Variants in KCNMA1 observed in about 807,000 individuals in gnomAD.
KCNMA1 encodes potassium calcium-activated channel subfamily M alpha 1.
KCNMA1 carries 29 observed loss-of-function variants against 140.0 expected under a neutral mutation model. The ratio of observed to expected loss-of-function variants is 0.21; its 90% CI spans 0.15 to 0.28. KCNMA1 has a LOEUF of 0.28. Among genes scored for constraint, KCNMA1 ranks in the 10% least tolerant of loss-of-function variants. The probability of loss-of-function intolerance (pLI) is 1.00; values close to 1 mark genes in which losing one functional copy is unlikely to be tolerated. For missense variants in KCNMA1, 880 were observed against 1,602.2 expected, an observed-to-expected ratio of 0.55 and a Z score of 7.70; for synonymous variants, 612 against 611.9, an observed-to-expected ratio of 1.00 and a Z score of 0.00.
intron 18 of KCNMA1, chr10:77,008,061 C>G (rs1054456523): frequency 5.2e-6 from 5 of 960,832 alleles, no homozygotes; most frequent in Non-Finnish European, 6.3e-6. Flanking sequence ...GTCACTGCTA[C>G]ATGCAACATA....
intron 1 of KCNMA1, among the ~76,000 whole-genome samples, chr10:77,479,620 T>A (rs986464371): frequency 2.6e-5 from 4 of 152,148 alleles, no homozygotes; most frequent in African/African-American, 9.7e-5. Flanking sequence ...GGTCTTACTG[T>A]GCCCATCTGA....
At chr10:77,314,447 C>G (rs1198775637) in intron 2 of KCNMA1, among the ~76,000 whole-genome samples, 3 of 152,144 alleles carry the variant, frequency 2.0e-5, no homozygotes, top group East Asian at 1.9e-4. Context: ...GAGATGAGAT[C>G]GATTCCATTT....
intron 3 of KCNMA1, 38 bp from the exon 4 acceptor site, chr10:77,184,954 A>G: frequency 8.3e-7 from 1 of 1,209,730 alleles, no homozygotes; most frequent in Non-Finnish European, 1.2e-6. Flanking sequence ...GAGGTAAATG[A>G]CAGGTAGTAT....
chr10:76,879,630 C>T (rs2033771162), intron 29 of KCNMA1, among the ~76,000 whole-genome samples: 1 of 151,258 alleles, frequency 6.6e-6, no homozygotes, highest in South Asian at 2.1e-4. Flanking sequence ...GTCATCAGCA[C>T]ATCTGAATTA....
At chr10:77,518,646 C>T (rs1342871290) in intron 1 of KCNMA1, among the ~76,000 whole-genome samples, 2 of 152,218 alleles carry the variant, frequency 1.3e-5, no homozygotes, top group Non-Finnish European at 2.9e-5. Flanking sequence ...GGTGCCAGCT[C>T]TGTCCCCAGC....
chr10:77,273,138 A>C lies in KCNMA1; in HGVS notation c.541-21882T>G, dbSNP rs1212159908. ...ATCTTCTATAAGGTAGCTGTAAATA[A>C]GTCCTCAAAACCTATTGTGAAGTAA... On this transcript the variant is annotated intron_variant, in intron 2 of 27. Transcript: ENST00000286628. Among the ~76,000 whole-genome samples, 3 of 152,236 alleles carry C rather than the reference A, an allele frequency of 2.0e-5. No individual in the cohort carries two copies. In the East Asian group the frequency reaches 5.8e-4, roughly 29 times the overall value.
At chr10:76,934,247 C>T (rs901597739) in intron 23 of KCNMA1, among the ~76,000 whole-genome samples, 7 of 152,214 alleles carry the variant, frequency 4.6e-5, no homozygotes, top group Non-Finnish European at 1.5e-5. Flanking sequence ...GCTGGGATTA[C>T]AGGCATGAGC....
chr10:77,506,596 A>AGAGAGAGTGTGTGTGT lies in KCNMA1; in HGVS notation c.379-102574_379-102573insACACACACACTCTCTC. On this transcript the variant is annotated intron_variant, in intron 1 of 27. Coordinates refer to ENST00000286628, the MANE Select transcript of KCNMA1 (RefSeq NM_001161352.2). ...TAGAGAGAGAGAGAGAGAGAGAGAG[A>AGAGAGAGTGTGTGTGT]GTGTGTGTGTGTGTGTGTGTGTGTT... Among the ~76,000 whole-genome samples, 777 of 83,506 alleles carry AGAGAGAGTGTGTGTGT rather than the reference A, an allele frequency of 9.3e-3. 50 individuals are homozygous for AGAGAGAGTGTGTGTGT. Among genetic ancestry groups the AGAGAGAGTGTGTGTGT allele is most frequent in the African/African-American group, 0.027 (360 of 13,384 alleles). 54.8% of individuals were successfully genotyped at this position (83,506 alleles called of 152,430 possible). A position where few individuals can be genotyped will look rare whatever the true frequency, so the allele number is the denominator to read the frequency against.
intron 3 of KCNMA1, among the ~76,000 whole-genome samples, chr10:77,224,983 A>G (rs570622911): frequency 6.6e-6 from 1 of 152,302 alleles, no homozygotes; most frequent in Non-Finnish European, 1.5e-5. Flanking sequence ...GAAGGTGGGA[A>G]ACTTTTTCTG....
At chr10:77,525,481 C>T (rs1378474512) in intron 1 of KCNMA1, among the ~76,000 whole-genome samples, 1 of 152,112 alleles carries the variant, frequency 6.6e-6, no homozygotes, top group African/African-American at 2.4e-5. Context: ...TTCTGGAAGC[C>T]CTGCCAACAT....
chr10:77,492,341 CTG>C lies in KCNMA1; in HGVS notation c.379-88320_379-88319del, dbSNP rs573603685. ...CCCAGCCCCTGCTGATCTGCATGCT[CTG>C]ATTCCCCATAATGAAAGAGCTGGAT... On this transcript the variant is annotated intron_variant, in intron 1 of 27. Coordinates refer to ENST00000286628, the MANE Select transcript of KCNMA1 (RefSeq NM_001161352.2). Among the ~76,000 whole-genome samples the C allele has an allele frequency of 3.4e-3, 522 of 152,326 alleles. 4 individuals carry two copies. The highest frequency in any genetic ancestry group is 0.011 in the African/African-American group (473 of 41,570).
chr10:77,144,091 AT>A (rs1293155489), intron 5 of KCNMA1, among the ~76,000 whole-genome samples: 3 of 152,288 alleles, frequency 2.0e-5, no homozygotes, highest in East Asian at 1.9e-4. Flanking sequence ...AGAAAAAAAA[AT>A]ATATGTCCAC....
Position 77,183,538 on chromosome 10 carries a change from G to A in KCNMA1, c.697-6C>T, listed in dbSNP as rs2098819163. The A allele has an allele frequency of 6.3e-7, 1 of 1,585,888 alleles. No individual in the cohort carries two copies. The highest frequency in any genetic ancestry group is 8.7e-7 in the Non-Finnish European group (1 of 1,155,152). ...TTATCGTTGGCTGCAATAAACTGGG[G>A]GAAAGAAGAAATAAGAAAGAGAAAA... On this transcript the variant is annotated splice_region_variant and splice_polypyrimidine_tract_variant and intron_variant, in intron 4 of 27. Transcript: ENST00000286628.
intron 3 of KCNMA1, among the ~76,000 whole-genome samples, chr10:77,218,261 G>C (rs928057350): frequency 6.6e-6 from 1 of 152,014 alleles, no homozygotes; most frequent in African/African-American, 2.4e-5. Context: ...ATAGCCAAAG[G>C]TTACAAAATG....
intron 5 of KCNMA1, among the ~76,000 whole-genome samples, chr10:77,158,629 G>T (rs943758015): frequency 3.3e-5 from 5 of 152,132 alleles, no homozygotes; most frequent in Admixed American, 6.5e-5. Context: ...TTGAGAAGCT[G>T]AGTGGAAATC....
intron 5 of KCNMA1, among the ~76,000 whole-genome samples, chr10:77,154,294 T>C (rs1597368327): frequency 6.6e-6 from 1 of 152,086 alleles, no homozygotes; most frequent in East Asian, 1.9e-4. Context: ...AATTACCCGG[T>C]CTGGAGGATT....
chr10:76,878,104 G>T (rs1346966487), intron 29 of KCNMA1, among the ~76,000 whole-genome samples: 1 of 152,148 alleles, frequency 6.6e-6, no homozygotes, highest in Admixed American at 6.5e-5. Context: ...TGAACAAAAT[G>T]TGCCACTGGG....
chr10:77,362,335 CA>C (rs2094022354), intron 2 of KCNMA1, among the ~76,000 whole-genome samples: 3 of 99,704 alleles, frequency 3.0e-5, no homozygotes, highest in African/African-American at 9.4e-5. Context: ...CACCAGCCCC[CA>C]CCCCCTATCC....
At chr10:77,411,946 G>A (rs1026874865) in intron 1 of KCNMA1, among the ~76,000 whole-genome samples, 11 of 152,324 alleles carry the variant, frequency 7.2e-5, no homozygotes, top group South Asian at 4.1e-4. Context: ...TTCCTCCCTC[G>A]CCATGCGTAT....
Sources: gnomAD v4.1 joint callset for allele counts (sites outside exome capture counted in the v4.1 genomes callset) on GRCh38, gnomAD v4.1.1 for gene constraint, MANE v1.5 for transcripts, NCBI Gene and HGNC (gene_info 2026-07-23, HGNC 2026-07-21) for gene names.